Variants in HCN1 observed in about 807,000 individuals in gnomAD.
The protein encoded by HCN1 is hyperpolarization activated cyclic nucleotide gated potassium channel 1.
In HCN1, 13 loss-of-function variants were observed where a neutral mutation model predicts 78.9. That is an observed-to-expected ratio of 0.16 (90% confidence interval 0.11 to 0.26). The LOEUF (loss-of-function observed/expected upper bound fraction) is 0.26, where lower values mean the gene tolerates loss of function less well. HCN1 is among the 10% of genes least tolerant of loss of function. The pLI is 1.00. For missense variants in HCN1, 810 were observed against 1,154.3 expected (o/e 0.70, Z 4.32); for synonymous variants, 552 against 455.5 (o/e 1.21, Z -2.70).
chr5:45,503,173 G>C (rs1354943250), intron 2 of HCN1, among the ~76,000 whole-genome samples: 1 of 152,088 alleles, frequency 6.6e-6, no homozygotes, highest in Non-Finnish European at 1.5e-5. Context: ...ATAAATGTTG[G>C]TCGTGGCTGC....
At chr5:45,562,115 A>C (rs1743616570) in intron 2 of HCN1, among the ~76,000 whole-genome samples, 1 of 151,770 alleles carries the variant, frequency 6.6e-6, no homozygotes. Context: ...GTGACTCCCA[A>C]ATTTGTGGCT....
chr5:45,414,214 A>G (rs763912465), intron 3 of HCN1, among the ~76,000 whole-genome samples: 6 of 151,984 alleles, frequency 3.9e-5, no homozygotes, highest in Non-Finnish European at 8.8e-5. Flanking sequence ...CTATTGAGTG[A>G]ACTATCACAG....
intron 3 of HCN1, among the ~76,000 whole-genome samples, chr5:45,443,667 G>A (rs1437818430): frequency 6.6e-6 from 1 of 152,058 alleles, no homozygotes; most frequent in African/African-American, 2.4e-5. Flanking sequence ...TGTTAGGGCT[G>A]ACATTACTTT....
At chr5:45,452,128 C>G (rs1211821173) in intron 3 of HCN1, among the ~76,000 whole-genome samples, 3 of 151,992 alleles carry the variant, frequency 2.0e-5, no homozygotes, top group African/African-American at 7.2e-5. Context: ...ACTTTCCCTA[C>G]ACAATTTTTA....
intron 2 of HCN1, among the ~76,000 whole-genome samples, chr5:45,532,979 G>A (rs975922264): frequency 6.6e-6 from 1 of 152,160 alleles, no homozygotes; most frequent in Non-Finnish European, 1.5e-5. Flanking sequence ...AGACAAAGGA[G>A]GTGGCATGAA....
chr5:45,417,643 A>G (rs933857281), intron 3 of HCN1, among the ~76,000 whole-genome samples: 9 of 151,600 alleles, frequency 5.9e-5, no homozygotes, highest in Admixed American at 2.0e-4. Context: ...ATAAATAAAT[A>G]TAACAACAGG....
chr5:45,328,971 G>A (rs1259240328), intron 5 of HCN1, among the ~76,000 whole-genome samples: 1 of 151,610 alleles, frequency 6.6e-6, no homozygotes, highest in African/African-American at 2.4e-5. Flanking sequence ...TGTGGAGGAA[G>A]GATATTTTGT....
chr5:45,602,460 G>A (rs1049637068), intron 2 of HCN1, among the ~76,000 whole-genome samples: 18 of 152,040 alleles, frequency 1.2e-4, no homozygotes, highest in African/African-American at 3.9e-4. Flanking sequence ...AAAACTGGCC[G>A]ACATCTTTAT....
intron 2 of HCN1, among the ~76,000 whole-genome samples, chr5:45,579,464 T>G (rs1241881972): frequency 6.6e-6 from 1 of 152,036 alleles, no homozygotes; most frequent in Non-Finnish European, 1.5e-5. Flanking sequence ...TTTGGTCATA[T>G]TTTCGTCTCC....
At chr5:45,300,727 T>A (rs1278499133) in intron 6 of HCN1, among the ~76,000 whole-genome samples, 1 of 152,122 alleles carries the variant, frequency 6.6e-6, no homozygotes, top group Non-Finnish European at 1.5e-5. Context: ...TTGTTCAAGA[T>A]CAACTGTATA....
chr5:45,613,592 G>T (rs1471221760), intron 2 of HCN1, among the ~76,000 whole-genome samples: 2 of 151,812 alleles, frequency 1.3e-5, no homozygotes, highest in South Asian at 2.1e-4. Flanking sequence ...AATACCATTT[G>T]ACCCAGCCAT....
At chr5:45,522,537 T>C (rs1006175426) in intron 2 of HCN1, among the ~76,000 whole-genome samples, 1 of 152,036 alleles carries the variant, frequency 6.6e-6, no homozygotes, top group Non-Finnish European at 1.5e-5. Flanking sequence ...TTACTTAAAT[T>C]GCCTGCAGTT....
intron 2 of HCN1, among the ~76,000 whole-genome samples, chr5:45,578,921 A>G (rs1166079444): frequency 1.3e-5 from 2 of 152,086 alleles, no homozygotes; most frequent in Non-Finnish European, 2.9e-5. Context: ...TATGTCTACT[A>G]TACTGGCTTT....
intron 5 of HCN1, among the ~76,000 whole-genome samples, chr5:45,347,532 T>C (rs886648503): frequency 2.0e-4 from 31 of 152,156 alleles, no homozygotes; most frequent in Admixed American, 9.2e-4. Flanking sequence ...TTTGATGAGT[T>C]GAGAGAAGAA....
intron 5 of HCN1, among the ~76,000 whole-genome samples, chr5:45,328,503 T>C (rs1746278970): frequency 6.6e-6 from 1 of 151,528 alleles, no homozygotes; most frequent in African/African-American, 2.4e-5. Flanking sequence ...GGCTTCAACA[T>C]TTATTTGGAG....
At chr5:45,562,396 G>C (rs902185964) in intron 2 of HCN1, among the ~76,000 whole-genome samples, 6 of 152,022 alleles carry the variant, frequency 3.9e-5, no homozygotes, top group Admixed American at 2.0e-4. Context: ...TTCTAGCTGG[G>C]TGCAGTGGCT....
intron 5 of HCN1, among the ~76,000 whole-genome samples, chr5:45,320,092 G>C (rs1746092721): frequency 6.6e-6 from 1 of 151,696 alleles, no homozygotes; most frequent in Non-Finnish European, 1.5e-5. Context: ...CTGTTACATT[G>C]CTAAATTTCT....
intron 2 of HCN1, among the ~76,000 whole-genome samples, chr5:45,639,445 T>C (rs1580012042): frequency 1.3e-5 from 2 of 152,358 alleles, no homozygotes; most frequent in East Asian, 3.9e-4. Flanking sequence ...ACTTCACAAC[T>C]GTTTGATTGT....
intron 2 of HCN1, among the ~76,000 whole-genome samples, chr5:45,626,087 G>A (rs1745158132): frequency 1.3e-5 from 2 of 152,232 alleles, no homozygotes; most frequent in South Asian, 4.1e-4. Context: ...TAACCCTACT[G>A]TATAGATAGG....
Sources: gnomAD v4.1 joint callset for allele counts (sites outside exome capture counted in the v4.1 genomes callset) on GRCh38, gnomAD v4.1.1 for gene constraint, MANE v1.5 for transcripts, NCBI Gene and HGNC (gene_info 2026-07-23, HGNC 2026-07-21) for gene names.